MSRA: variants seen among roughly 807,000 people sequenced by gnomAD.
MSRA encodes the protein mitochondrial peptide methionine sulfoxide reductase.
MSRA carries 54 observed loss-of-function variants against 31.3 expected under a neutral mutation model. The ratio of observed to expected loss-of-function variants is 1.73; its 90% CI spans 1.39 to 2.17. MSRA has a LOEUF of 2.17. MSRA is among the 30% of genes most tolerant of loss of function. The pLI, the probability that MSRA is intolerant of heterozygous loss-of-function variation, is 0.00. For missense variants in MSRA, 507 were observed against 300.9 expected, an observed-to-expected ratio of 1.69 and a Z score of -5.07; for synonymous variants, 169 against 116.5, an observed-to-expected ratio of 1.45 and a Z score of -2.90.
chr8:10,397,614 GC>G (rs1281504903), intron 5 of MSRA, among the ~76,000 whole-genome samples: 3 of 152,200 alleles, frequency 2.0e-5, no homozygotes, highest in Non-Finnish European at 4.4e-5. Flanking sequence ...CTAAGAGAGG[GC>G]CTGGCACCTA....
intron 1 of MSRA, among the ~76,000 whole-genome samples, chr8:10,055,823 G>T (rs1439816430): frequency 6.6e-6 from 1 of 152,124 alleles, no homozygotes; most frequent in Non-Finnish European, 1.5e-5. Flanking sequence ...AAAGGTAGAG[G>T]TTTTTTGGAT....
At chr8:10,158,567 T>C (rs1804371058) in intron 1 of MSRA, among the ~76,000 whole-genome samples, 1 of 152,254 alleles carries the variant, frequency 6.6e-6, no homozygotes, top group Non-Finnish European at 1.5e-5. Flanking sequence ...TGATTGCTGG[T>C]CATCTTCCAT....
chr8:10,138,795 G>T (rs1369529078), intron 1 of MSRA, among the ~76,000 whole-genome samples: 3 of 152,176 alleles, frequency 2.0e-5, no homozygotes, highest in Non-Finnish European at 4.4e-5. Context: ...AACTGTGCTA[G>T]TGCAGAACTA....
intron 1 of MSRA, among the ~76,000 whole-genome samples, chr8:10,064,205 G>T (rs1391759979): frequency 6.6e-6 from 1 of 152,138 alleles, no homozygotes; most frequent in Non-Finnish European, 1.5e-5. Flanking sequence ...CTATCAAAAT[G>T]CCCTCTCCGT....
intron 3 of MSRA, among the ~76,000 whole-genome samples, chr8:10,288,901 A>T (rs1800079765): frequency 6.6e-6 from 1 of 152,088 alleles, no homozygotes; most frequent in South Asian, 2.1e-4. Flanking sequence ...TCTTTGGATG[A>T]CGTGAAGTAG....
In MSRA at chr8:10,428,187, A is replaced by G. The variant is rs755555826; in HGVS notation, c.583A>G (p.Ile195Val). The G allele has an allele frequency of 1.9e-6, 3 of 1,613,986 alleles. No individual in the cohort carries two copies. Among genetic ancestry groups the G allele is most frequent in the Admixed American group, 3.3e-5 (2 of 59,988 alleles). The change falls in exon 6 of 6, where the codon ATC becomes GTC. Residue 195 changes from isoleucine (I) to valine (V), a missense_variant. By Grantham distance (29) the Ile-to-Val change is conservative (BLOSUM62 3). Transcript: ENST00000317173. ...CGGCTTCGGCCCCATCACTACCGAC[A>G]TCCGGGAGGGACAGACTTTCTACTA... ...EHGFGPITTD[I>V]REGQTFYYAE...
chr8:10,063,207 G>A (rs1797295518), intron 1 of MSRA, among the ~76,000 whole-genome samples: 2 of 152,160 alleles, frequency 1.3e-5, no homozygotes, highest in Non-Finnish European at 2.9e-5. Flanking sequence ...TCATCTTTGA[G>A]CCTTACCTCT....
At chr8:10,332,451 T>TCCCCCCCCCCC (rs373121180) in intron 5 of MSRA, among the ~76,000 whole-genome samples, 3 of 146,512 alleles carry the variant, frequency 2.0e-5, no homozygotes, top group Non-Finnish European at 4.6e-5. Context: ...AAAAGAAAAA[T>TCCCCCCCCCCC]CCCCCCTCCC....
chr8:10,087,594 T>C lies in MSRA; in HGVS notation c.142+32936T>C, dbSNP rs114757523. Among the ~76,000 whole-genome samples the C allele has an allele frequency of 7.9e-3, 1,204 of 152,334 alleles. 16 individuals are homozygous for C. The highest frequency in any genetic ancestry group is 0.026 in the African/African-American group (1,082 of 41,576). The stretch of plus-strand genomic sequence containing the variant: ...AAGTAGGGAAATGGTCCATAACTCA[T>C]TTGTCTTCCATTTTCTGTCCCGTGG... On this transcript the variant is annotated intron_variant, in intron 1 of 5. Coordinates refer to ENST00000317173, the MANE Select transcript of MSRA (RefSeq NM_012331.5).
At chr8:10,136,693 A>G (rs1011364421) in intron 1 of MSRA, among the ~76,000 whole-genome samples, 2 of 152,226 alleles carry the variant, frequency 1.3e-5, no homozygotes, top group East Asian at 1.9e-4. Context: ...CAGTAGCATC[A>G]TCACAGCTGC....
At chr8:10,209,581 A>T (rs1458158108) in intron 2 of MSRA, among the ~76,000 whole-genome samples, 1 of 151,796 alleles carries the variant, frequency 6.6e-6, no homozygotes, top group African/African-American at 2.4e-5. Context: ...TTGCAGTGGA[A>T]AGATTTGGTT....
At chr8:10,394,175 G>C (rs1251407358) in intron 5 of MSRA, among the ~76,000 whole-genome samples, 1 of 152,158 alleles carries the variant, frequency 6.6e-6, no homozygotes, top group African/African-American at 2.4e-5. Flanking sequence ...TTTTCTCATT[G>C]ATCTTTCCAA....
chr8:10,210,896 C>T (rs1456310944), intron 2 of MSRA, among the ~76,000 whole-genome samples: 1 of 151,446 alleles, frequency 6.6e-6, no homozygotes, highest in Non-Finnish European at 1.5e-5. Context: ...ACCACGCTCA[C>T]CTTTTTTTTT....
At chr8:10,332,419 A>G (rs185158399) in intron 5 of MSRA, among the ~76,000 whole-genome samples, 1 of 151,880 alleles carries the variant, frequency 6.6e-6, no homozygotes, top group East Asian at 1.9e-4. Context: ...ACCCTGAATA[A>G]TTCATTGACT....
intron 1 of MSRA, among the ~76,000 whole-genome samples, chr8:10,105,768 G>T (rs974122168): frequency 6.6e-6 from 1 of 152,152 alleles, no homozygotes; most frequent in Admixed American, 6.5e-5. Context: ...TGTGGCTGAG[G>T]CTCCTTGTGT....
At chr8:10,105,308 G>A (rs1453888694) in intron 1 of MSRA, among the ~76,000 whole-genome samples, 2 of 152,032 alleles carry the variant, frequency 1.3e-5, no homozygotes. Flanking sequence ...AATAATACAT[G>A]CTTACAATCC....
intron 1 of MSRA, among the ~76,000 whole-genome samples, chr8:10,205,344 C>A (rs974522986): frequency 6.6e-6 from 1 of 151,748 alleles, no homozygotes; most frequent in Non-Finnish European, 1.5e-5. Flanking sequence ...GGGGGACAGT[C>A]GCTGGCTGTG....
intron 1 of MSRA, among the ~76,000 whole-genome samples, chr8:10,181,818 G>A (rs1167357244): frequency 6.6e-6 from 1 of 152,184 alleles, no homozygotes; most frequent in Non-Finnish European, 1.5e-5. Flanking sequence ...AACAGTGTTA[G>A]TGCTCTGGAG....
At chr8:10,311,778 A>C (rs1409634663) in intron 4 of MSRA, among the ~76,000 whole-genome samples, 1 of 152,116 alleles carries the variant, frequency 6.6e-6, no homozygotes, top group Non-Finnish European at 1.5e-5. Context: ...CTAGCTGGGC[A>C]TGGTGGCACA....
Sources: gnomAD v4.1 joint callset for allele counts (sites outside exome capture counted in the v4.1 genomes callset) on GRCh38, gnomAD v4.1.1 for gene constraint, MANE v1.5 for transcripts, NCBI Gene and HGNC (gene_info 2026-07-23, HGNC 2026-07-21) for gene names.